PRKAR2A: variants seen among roughly 807,000 people sequenced by gnomAD.
The protein encoded by PRKAR2A is cAMP-dependent protein kinase type II-alpha regulatory subunit.
A neutral mutation model predicts 51.9 loss-of-function variants in PRKAR2A; 29 were observed. The ratio of observed to expected loss-of-function variants is 0.56; its 90% CI spans 0.42 to 0.76. The LOEUF (loss-of-function observed/expected upper bound fraction) is 0.76, where lower values mean the gene tolerates loss of function less well. Among genes scored for constraint, PRKAR2A ranks in the 30% least tolerant of loss-of-function variants. The probability of loss-of-function intolerance (pLI) is 0.00; values close to 1 mark genes in which losing one functional copy is unlikely to be tolerated. For synonymous variants in PRKAR2A, 178 were observed against 186.2 expected, an observed-to-expected ratio of 0.96 and a Z score of 0.36; for missense variants, 445 against 512.1, an observed-to-expected ratio of 0.87 and a Z score of 1.26.
chr3:48,820,855 C>T (rs932717864), intron 1 of PRKAR2A, among the ~76,000 whole-genome samples: 11 of 152,132 alleles, frequency 7.2e-5, no homozygotes, highest in African/African-American at 2.4e-4. Context: ...GACTCATGAC[C>T]ATTGTGCTCT....
chr3:48,792,177 T>C (rs2107316515), intron 3 of PRKAR2A, among the ~76,000 whole-genome samples: 1 of 151,952 alleles, frequency 6.6e-6, no homozygotes, highest in East Asian at 1.9e-4. Flanking sequence ...AGTCTCGCTC[T>C]GTTGCCCAGG....
At chr3:48,800,800 A>C (rs2082577649) in intron 2 of PRKAR2A, among the ~76,000 whole-genome samples, 1 of 151,166 alleles carries the variant, frequency 6.6e-6, no homozygotes, top group Non-Finnish European at 1.5e-5. Flanking sequence ...CAGCCTCCCG[A>C]GTAGCTGGAC....
In PRKAR2A at chr3:48,762,266, A is replaced by C. The variant is rs375862667; in HGVS notation, c.873+2738T>G. The stretch of plus-strand genomic sequence containing the variant: ...AGACCCTGACTGTAATTTTTTTAAA[A>C]AAGGCTGTAAATACTATTTATTGGT... On this transcript the variant is annotated intron_variant, in intron 8 of 10. Transcript: ENST00000265563. Among the ~76,000 whole-genome samples, 7 of 152,324 alleles carry C rather than the reference A, an allele frequency of 4.6e-5. No homozygotes were observed. In the East Asian group the frequency reaches 9.6e-4, roughly 21 times the overall value.
At chr3:48,790,509 C>T in intron 4 of PRKAR2A, 35 bp downstream of exon 4, 3 of 1,423,532 alleles carry the variant, frequency 2.1e-6, no homozygotes, top group Non-Finnish European at 2.8e-6. Context: ...GCTAAAAGAT[C>T]ATTATAATAA....
At chr3:48,767,479 G>GA (rs1188888370) in intron 6 of PRKAR2A, among the ~76,000 whole-genome samples, 1 of 148,954 alleles carries the variant, frequency 6.7e-6, no homozygotes, top group South Asian at 2.1e-4. Context: ...ACCCTGCCTC[G>GA]AAAAAAACAA....
rs1431542065 is a variant in PRKAR2A at position 48,759,386 on chromosome 3, T to C, written c.874-2942A>G. 2.6e-4 allele frequency among the ~76,000 whole-genome samples: 38 copies of C among 144,710 alleles called. 2 individuals carry two copies. Among genetic ancestry groups the C allele is most frequent in the Middle Eastern group, 3.5e-3 (1 of 284 alleles). 94.9% of individuals were successfully genotyped at this position (144,710 alleles called of 152,430 possible). A position where few individuals can be genotyped will look rare whatever the true frequency, so the allele number is the denominator to read the frequency against. ...CTCACTGGAAGAGCATCCTGCCCCT[T>C]TTTTTTTTTTTTTTTTTGAGACGGA... On this transcript the variant is annotated intron_variant, in intron 8 of 10. Transcript: ENST00000265563.
intron 1 of PRKAR2A, among the ~76,000 whole-genome samples, chr3:48,836,419 T>TAAAAAAAAAAAAAAAAAAAAAAAAA (rs548970318): frequency 2.1e-4 from 12 of 56,094 alleles, no homozygotes; most frequent in South Asian, 5.0e-4. Context: ...AGACTCCGTC[T>TAAAAAAAAAAAAAAAAAAAAAAAAA]AAAAAAAAAA....
chr3:48,780,956 A>C (rs1282611294), intron 5 of PRKAR2A, among the ~76,000 whole-genome samples: 1 of 152,026 alleles, frequency 6.6e-6, no homozygotes, highest in Non-Finnish European at 1.5e-5. Context: ...TTATATGTGC[A>C]ACTTAAAACA....
At chr3:48,768,370 G>C (rs534042854) in intron 6 of PRKAR2A, among the ~76,000 whole-genome samples, 8 of 151,104 alleles carry the variant, frequency 5.3e-5, no homozygotes, top group South Asian at 2.1e-4. Flanking sequence ...CAGACAGACA[G>C]ACACACACAC....
intron 5 of PRKAR2A, among the ~76,000 whole-genome samples, chr3:48,778,187 G>T (rs1016844556): frequency 6.6e-6 from 1 of 152,056 alleles, no homozygotes; most frequent in Non-Finnish European, 1.5e-5. Flanking sequence ...AGAGACAGGG[G>T]TCTCACTATG....
intron 8 of PRKAR2A, among the ~76,000 whole-genome samples, chr3:48,764,148 C>A (rs2081903679): frequency 6.6e-6 from 1 of 152,120 alleles, no homozygotes; most frequent in South Asian, 2.1e-4. Context: ...TGCTCTTGAG[C>A]CAGAACCATA....
At chr3:48,837,329 C>G (rs1479111306) in intron 1 of PRKAR2A, among the ~76,000 whole-genome samples, 4 of 152,046 alleles carry the variant, frequency 2.6e-5, no homozygotes, top group Admixed American at 2.6e-4. Context: ...ATGCAACTGA[C>G]AAATACATGG....
Position 48,794,117 on chromosome 3 carries a change from A to T in PRKAR2A, c.299-68T>A, listed in dbSNP as rs1031662999. Reference sequence around the variant, plus strand: ...ATGTGTGGCTTTAGGAAAAATAGGAAGTGAACTCAATTTTCTTTTATTCAC... The same window carrying T: ...ATGTGTGGCTTTAGGAAAAATAGGATGTGAACTCAATTTTCTTTTATTCAC... On this transcript the variant is annotated intron_variant, in intron 2 of 10. Transcript: ENST00000265563. The T allele has an allele frequency of 5.7e-6, 7 of 1,221,320 alleles. No homozygotes were observed. In the Admixed American group the frequency reaches 1.7e-4, roughly 29 times the overall value. 75.7% of individuals were successfully genotyped at this position (1,221,320 alleles called of 1,614,324 possible). A position where few individuals can be genotyped will look rare whatever the true frequency, so the allele number is the denominator to read the frequency against.
At chr3:48,773,308 C>T (rs1167647906) in intron 5 of PRKAR2A, among the ~76,000 whole-genome samples, 200 bp from the exon 6 acceptor site, 3 of 150,666 alleles carry the variant, frequency 2.0e-5, no homozygotes, top group African/African-American at 7.3e-5. Context: ...ATTCTAGTAG[C>T]CTTTTTGTGG....
chr3:48,767,638 A>G (rs1234252219), intron 6 of PRKAR2A, among the ~76,000 whole-genome samples: 1 of 150,680 alleles, frequency 6.6e-6, no homozygotes, highest in Non-Finnish European at 1.5e-5. Flanking sequence ...TAAAACACAA[A>G]AACAGGCTGG....
chr3:48,787,153 A>ATTATTTAT (rs56116620), intron 4 of PRKAR2A, among the ~76,000 whole-genome samples: 26 of 149,802 alleles, frequency 1.7e-4, no homozygotes, highest in African/African-American at 5.1e-4. Flanking sequence ...GAGAAAAGTA[A>ATTATTTAT]TTATTTATTT....
At chr3:48,815,088 A>AT (rs1231680352) in intron 1 of PRKAR2A, among the ~76,000 whole-genome samples, 5 of 151,556 alleles carry the variant, frequency 3.3e-5, no homozygotes, top group African/African-American at 1.2e-4. Context: ...TAATTTTTGT[A>AT]TTTTCAGTAG....
At chr3:48,826,050 C>T (rs1224685616) in intron 1 of PRKAR2A, among the ~76,000 whole-genome samples, 1 of 152,158 alleles carries the variant, frequency 6.6e-6, no homozygotes, top group Non-Finnish European at 1.5e-5. Context: ...ATCACTGGAG[C>T]CCAGGAGTTT....
intron 4 of PRKAR2A, among the ~76,000 whole-genome samples, chr3:48,783,998 G>C (rs2082248824): frequency 6.6e-6 from 1 of 152,144 alleles, no homozygotes; most frequent in Admixed American, 6.6e-5. Flanking sequence ...CTCAATAAAT[G>C]AGATATATTA....
Sources: gnomAD v4.1 joint callset for allele counts (sites outside exome capture counted in the v4.1 genomes callset) on GRCh38, gnomAD v4.1.1 for gene constraint, MANE v1.5 for transcripts, NCBI Gene and HGNC (gene_info 2026-07-23, HGNC 2026-07-21) for gene names.